The following NCAM1 variants were observed in gnomAD, a reference collection of about 807,000 sequenced individuals.
NCAM1 encodes neural cell adhesion molecule 1.
Under a neutral mutation model 109.8 loss-of-function variants are expected in NCAM1, and 14 were observed. That is an observed-to-expected ratio of 0.13 (90% confidence interval 0.08 to 0.20). The LOEUF (loss-of-function observed/expected upper bound fraction) is 0.20. NCAM1 is among the 10% of genes least tolerant of loss of function. NCAM1 has a pLI of 1.00. For synonymous variants in NCAM1, 418 were observed against 442.9 expected (o/e 0.94, Z 0.70); for missense variants, 774 against 1,109.9 (o/e 0.70, Z 4.30).
intron 1 of NCAM1, among the ~76,000 whole-genome samples, chr11:113,114,563 G>C (rs1307322440): frequency 6.6e-6 from 1 of 152,106 alleles, no homozygotes; most frequent in Non-Finnish European, 1.5e-5. Context: ...GCTGTGCTTG[G>C]GGATTTTTGT....
At chr11:112,975,377 C>G (rs10502162) in intron 1 of NCAM1, among the ~76,000 whole-genome samples, 20,784 of 151,920 alleles carry the variant, frequency 0.14, 1,780 homozygotes, top group South Asian at 0.4. Context: ...TGTAGTTGGT[C>G]TAGGAATTGG....
At chr11:113,139,646 G>A (rs544193670) in intron 1 of NCAM1, among the ~76,000 whole-genome samples, 1 of 151,496 alleles carries the variant, frequency 6.6e-6, no homozygotes, top group East Asian at 1.9e-4. Context: ...TACTACATTT[G>A]TTTTTATATA....
chr11:113,105,186 G>A (rs1555092281), intron 1 of NCAM1, among the ~76,000 whole-genome samples: 2 of 152,226 alleles, frequency 1.3e-5, no homozygotes, highest in African/African-American at 4.8e-5. Flanking sequence ...GCTATGTGCA[G>A]TTGAGGTTGG....
chr11:113,206,056 C>A lies in NCAM1; in HGVS notation c.504C>A (p.Val168=), dbSNP rs782494134. ...VILKKDVRFI[V]LSNNYLQIRG... is the part of the protein sequence containing the mutation. The stretch of plus-strand genomic sequence containing the variant: ...TATCTCTTCTAGTCCGATTCATAGT[C>A]CTGTCCAACAACTACCTGCAGATCC... Residue 168 remains valine (V), a synonymous_variant, in exon 5 of 20, where the codon GTC becomes GTA. Transcript: ENST00000316851. 4 of 1,613,942 alleles carry A rather than the reference C, an allele frequency of 2.5e-6. No individual in the cohort carries two copies. Among genetic ancestry groups the A allele is most frequent in the Non-Finnish European group, 2.5e-6 (3 of 1,179,874 alleles).
intron 17 of NCAM1, among the ~76,000 whole-genome samples, chr11:113,265,802 A>G (rs570896008): frequency 6.6e-6 from 1 of 152,142 alleles, no homozygotes; most frequent in Non-Finnish European, 1.5e-5. Flanking sequence ...TTTCTGCTGC[A>G]CCAGGGTCTC....
At position 113,233,292 on chromosome 11, in the gene NCAM1, T is replaced by C. The variant is rs1555117672; in HGVS notation, c.1668T>C (p.His556=). 6.2e-7 allele frequency: 1 copy of C among 1,613,390 alleles called. No individual in the cohort carries two copies. The highest frequency in any genetic ancestry group is 8.5e-7 in the Non-Finnish European group (1 of 1,179,756). ...GAGCAGTTGGTGAAGAAGTATGGCA[T>C]TCCAAGTGGTATGATGCCAAGGAAG... ...EWRAVGEEVW[H]SKWYDAKEAS... The change falls in exon 13 of 20, where the codon CAT becomes CAC. Residue 556 remains histidine, a synonymous_variant. Coordinates refer to ENST00000316851, the MANE Select transcript of NCAM1 (RefSeq NM_181351.5). The surrounding 1 kb of genome is among the most constrained non-coding windows in gnomAD (Gnocchi z 4.5).
At chr11:113,149,275 A>C (rs1942135867) in intron 1 of NCAM1, among the ~76,000 whole-genome samples, 2 of 152,188 alleles carry the variant, frequency 1.3e-5, no homozygotes, top group Non-Finnish European at 2.9e-5. Context: ...TGTGATGGGC[A>C]TGTGACATCC....
intron 1 of NCAM1, among the ~76,000 whole-genome samples, chr11:113,043,215 A>G (rs1283843135): frequency 1.3e-5 from 2 of 152,182 alleles, no homozygotes; most frequent in Admixed American, 6.5e-5. Context: ...TGTGGGTGCC[A>G]TGAAGGATTT....
At chr11:113,265,013 T>C in intron 17 of NCAM1, 1 of 985,462 alleles carries the variant, frequency 1.0e-6, no homozygotes, top group Non-Finnish European at 1.2e-6. Context: ...CTGTGCCCTG[T>C]AGTTGTGCTG....
chr11:113,237,084 C>A (rs989026814), intron 14 of NCAM1, among the ~76,000 whole-genome samples: 6 of 152,108 alleles, frequency 3.9e-5, no homozygotes, highest in African/African-American at 1.4e-4. Context: ...GGGGAGATTC[C>A]CCACTGGAAG....
At chr11:113,158,060 C>T (rs1355823808) in intron 1 of NCAM1, among the ~76,000 whole-genome samples, 2 of 152,076 alleles carry the variant, frequency 1.3e-5, no homozygotes, top group East Asian at 3.9e-4. Flanking sequence ...AATATTGGTT[C>T]ACTGAATTAT....
At chr11:113,056,762 C>G (rs1277157294) in intron 1 of NCAM1, among the ~76,000 whole-genome samples, 1 of 152,174 alleles carries the variant, frequency 6.6e-6, no homozygotes, top group Non-Finnish European at 1.5e-5. Context: ...TTGCGAGACC[C>G]TGAAACTGAA....
At chr11:113,197,022 C>T (rs1555110945) in intron 1 of NCAM1, among the ~76,000 whole-genome samples, 1 of 152,086 alleles carries the variant, frequency 6.6e-6, no homozygotes, top group Non-Finnish European at 1.5e-5. Context: ...ACCTTCTTCA[C>T]GTGGCAGCAG....
At chr11:113,173,548 T>C (rs1449887422) in intron 1 of NCAM1, among the ~76,000 whole-genome samples, 3 of 146,840 alleles carry the variant, frequency 2.0e-5, no homozygotes, top group Non-Finnish European at 3.0e-5. Flanking sequence ...GAGCACTTCA[T>C]TATGGGAGTG....
chr11:113,112,841 C>T (rs782400640), intron 1 of NCAM1, among the ~76,000 whole-genome samples: 1 of 152,048 alleles, frequency 6.6e-6, no homozygotes, highest in Non-Finnish European at 1.5e-5. Context: ...TTAAAGTCTC[C>T]ATGAGTCCAG....
intron 17 of NCAM1, chr11:113,265,206 C>T (rs552495204): frequency 2.7e-4 from 260 of 976,262 alleles, no homozygotes; most frequent in Non-Finnish European, 3.1e-4. Flanking sequence ...AACTCACCAG[C>T]GTGGCTTGAT....
In NCAM1 at chr11:112,961,504, C is replaced by A; in HGVS notation, c.-109C>A. On this transcript the variant is annotated 5_prime_UTR_variant, in exon 1 of 20. Coordinates refer to ENST00000316851, the MANE Select transcript of NCAM1 (RefSeq NM_181351.5). ...GCAAAAATAATCATACTCAGCCTGGCAATTGTCTGCCCCTAGGTCTGTCGC... is the reference window on the plus strand; with the variant it reads ...GCAAAAATAATCATACTCAGCCTGGAAATTGTCTGCCCCTAGGTCTGTCGC... 2 of 807,542 alleles carry A rather than the reference C, an allele frequency of 2.5e-6. No individual in the cohort carries two copies. The highest frequency in any genetic ancestry group is 4.5e-6 in the Non-Finnish European group (2 of 443,468). The allele number at this position is 807,542 out of a possible 1,614,324, so 50.0% of individuals were successfully genotyped here.
In NCAM1 at chr11:112,963,741, G is replaced by A. The variant is rs916680384; in HGVS notation, c.52+2077G>A. On this transcript the variant is annotated intron_variant, in intron 1 of 19. Coordinates refer to ENST00000316851, the MANE Select transcript of NCAM1 (RefSeq NM_181351.5). This position sits in a 1 kb window ranked among gnomAD's most constrained non-coding sequence, Gnocchi z 4.6. The stretch of plus-strand genomic sequence containing the variant: ...CGGATATTTGGTGGGCCTTTTGGGG[G>A]ATCGCCTGGCGGTCCTTTCCATCAT... 1.3e-5 allele frequency among the ~76,000 whole-genome samples: 2 copies of A among 152,246 alleles called. No homozygotes were observed. The highest frequency in any genetic ancestry group is 6.5e-5 in the Admixed American group (1 of 15,286).
chr11:113,075,916 G>A (rs1938504599), intron 1 of NCAM1, among the ~76,000 whole-genome samples: 1 of 152,138 alleles, frequency 6.6e-6, no homozygotes, highest in Non-Finnish European at 1.5e-5. Flanking sequence ...GCTTACAGCT[G>A]TTTTTTGTAT....
Sources: gnomAD v4.1 joint callset for allele counts (sites outside exome capture counted in the v4.1 genomes callset) on GRCh38, gnomAD v4.1.1 for gene constraint, Gnocchi (gnomAD v3.1) non-coding constraint, MANE v1.5 for transcripts, NCBI Gene and HGNC (gene_info 2026-07-23, HGNC 2026-07-21) for gene names.